The following CADM2 variants were observed in gnomAD, a reference collection of about 807,000 sequenced individuals.
The protein encoded by CADM2 is cell adhesion molecule 2, also known as immunoglobulin superfamily member 4D.
Under a neutral mutation model 49.8 loss-of-function variants are expected in CADM2, and 12 were observed. The observed-to-expected ratio is 0.24, with a 90% CI of 0.15 to 0.39. The LOEUF is 0.39. Among genes scored for constraint, CADM2 ranks in the 10% least tolerant of loss-of-function variants. The pLI is 1.00. For synonymous variants in CADM2, 214 were observed against 175.4 expected (o/e 1.22, Z -1.74); for missense variants, 378 against 492.3 (o/e 0.77, Z 2.20).
At chr3:85,170,362 A>G (rs528352152) in intron 1 of CADM2, among the ~76,000 whole-genome samples, 1 of 148,318 alleles carries the variant, frequency 6.7e-6, no homozygotes, top group Admixed American at 6.7e-5. Context: ...TTTTTGAGAC[A>G]GAGTCTTGCT....
chr3:85,738,759 G>C (rs1189569541), intron 2 of CADM2, among the ~76,000 whole-genome samples: 1 of 152,020 alleles, frequency 6.6e-6, no homozygotes, highest in Non-Finnish European at 1.5e-5. Flanking sequence ...ACAACCCACA[G>C]CATAGTAAGA....
At chr3:85,080,219 T>C (rs1575822649) in intron 1 of CADM2, among the ~76,000 whole-genome samples, 1 of 152,016 alleles carries the variant, frequency 6.6e-6, no homozygotes. Context: ...ACATTACATA[T>C]AGATAGGAAG....
chr3:86,071,726 T>A lies in CADM2; in HGVS notation c.*4943T>A, dbSNP rs1198965609. The A allele has an allele frequency of 6.6e-6, 1 of 152,012 alleles. No homozygotes were observed. The highest frequency in any genetic ancestry group is 1.9e-4 in the East Asian group (1 of 5,202). The allele number at this position is 152,012 out of a possible 1,614,324, so 9.4% of individuals were successfully genotyped here. A position where few individuals can be genotyped will look rare whatever the true frequency, so the allele number is the denominator to read the frequency against. On this transcript the variant is annotated 3_prime_UTR_variant, in exon 10 of 10. Coordinates refer to ENST00000383699, the MANE Select transcript of CADM2 (RefSeq NM_001167675.2). ...TTCAGTGTATTCTATGGTGTATGAA[T>A]CTGCATTTGTTTTTCCTTTTCTATC...
At chr3:85,253,191 A>G (rs1408044174) in intron 1 of CADM2, among the ~76,000 whole-genome samples, 1 of 152,094 alleles carries the variant, frequency 6.6e-6, no homozygotes, top group African/African-American at 2.4e-5. Context: ...ACAGCAATAC[A>G]TAACTGCACT....
chr3:85,507,182 ATTT>A (rs71108295), intron 1 of CADM2, among the ~76,000 whole-genome samples: 1 of 127,254 alleles, frequency 7.9e-6, no homozygotes. Flanking sequence ...CACCCAGTGT[ATTT>A]TTTTTTTTTT....
intron 3 of CADM2, among the ~76,000 whole-genome samples, chr3:85,848,671 A>G (rs1666989065): frequency 6.6e-6 from 1 of 152,160 alleles, no homozygotes. Flanking sequence ...AATACAGTAA[A>G]TCTTATTTTT....
chr3:85,057,308 T>A (rs1173977169), intron 1 of CADM2, among the ~76,000 whole-genome samples: 1 of 136,140 alleles, frequency 7.3e-6, no homozygotes, highest in Non-Finnish European at 1.6e-5. Flanking sequence ...TTTTCAGAAT[T>A]TTTTTTTTGT....
intron 1 of CADM2, among the ~76,000 whole-genome samples, chr3:85,613,897 C>G (rs144533774): frequency 1.3e-5 from 2 of 151,564 alleles, no homozygotes; most frequent in Non-Finnish European, 3.0e-5. Flanking sequence ...TATAAATTCA[C>G]TAAGAATCAG....
intron 1 of CADM2, among the ~76,000 whole-genome samples, chr3:85,562,011 T>TA (rs2062109043): frequency 6.6e-6 from 1 of 151,926 alleles, no homozygotes; most frequent in African/African-American, 2.4e-5. Flanking sequence ...AGAGAATAGG[T>TA]AAAAAATAGA....
At chr3:85,485,624 T>C (rs1039486633) in intron 1 of CADM2, among the ~76,000 whole-genome samples, 1 of 152,070 alleles carries the variant, frequency 6.6e-6, no homozygotes, top group African/African-American at 2.4e-5. Context: ...AGCAAAATCA[T>C]AGTTAATTGC....
chr3:85,609,237 G>T (rs543609109), intron 1 of CADM2, among the ~76,000 whole-genome samples: 3 of 152,006 alleles, frequency 2.0e-5, no homozygotes, highest in Non-Finnish European at 2.9e-5. Context: ...CTTGTACTCC[G>T]AGAGGTGTTA....
At chr3:86,039,262 G>A (rs987431939) in intron 8 of CADM2, among the ~76,000 whole-genome samples, 41 of 152,034 alleles carry the variant, frequency 2.7e-4, no homozygotes, top group Non-Finnish European at 4.7e-4. Context: ...GCCAAAGCAG[G>A]GTGAGGCATT....
At chr3:85,977,169 C>G (rs1726895064) in intron 8 of CADM2, among the ~76,000 whole-genome samples, 3 of 150,780 alleles carry the variant, frequency 2.0e-5, no homozygotes, top group Non-Finnish European at 4.4e-5. Flanking sequence ...CAAAACAAAA[C>G]AAAACTAAAC....
chr3:85,763,622 C>T (rs1020137578), intron 2 of CADM2, among the ~76,000 whole-genome samples: 1 of 152,132 alleles, frequency 6.6e-6, no homozygotes, highest in African/African-American at 2.4e-5. Flanking sequence ...TCATTTTGAC[C>T]ACTGCACAAC....
chr3:86,017,402 G>C (rs917428806), intron 8 of CADM2, among the ~76,000 whole-genome samples: 2 of 151,844 alleles, frequency 1.3e-5, no homozygotes, highest in African/African-American at 4.8e-5. Context: ...ATTTTTACTT[G>C]ATCATAAAAT....
intron 1 of CADM2, among the ~76,000 whole-genome samples, chr3:85,195,559 A>G (rs2041323897): frequency 6.6e-6 from 1 of 151,878 alleles, no homozygotes; most frequent in Non-Finnish European, 1.5e-5. Context: ...ACACACACAC[A>G]CACACACACA....
intron 3 of CADM2, among the ~76,000 whole-genome samples, chr3:85,832,448 G>A (rs1044442941): frequency 6.6e-6 from 1 of 151,874 alleles, no homozygotes; most frequent in Non-Finnish European, 1.5e-5. Flanking sequence ...CAATTCATGA[G>A]CATGGGATGC....
intron 2 of CADM2, among the ~76,000 whole-genome samples, chr3:85,801,765 AAATAT>A (rs1269211259): frequency 6.6e-6 from 1 of 152,196 alleles, no homozygotes; most frequent in African/African-American, 2.4e-5. Flanking sequence ...GGAAAGTAAT[AAATAT>A]AATATTACTA....
At chr3:85,340,500 A>G (rs905618114) in intron 1 of CADM2, among the ~76,000 whole-genome samples, 2 of 151,624 alleles carry the variant, frequency 1.3e-5, no homozygotes, top group African/African-American at 2.4e-5. Context: ...TTATAAATAC[A>G]TATGTACAGA....
Sources: gnomAD v4.1 joint callset for allele counts (sites outside exome capture counted in the v4.1 genomes callset) on GRCh38, gnomAD v4.1.1 for gene constraint, MANE v1.5 for transcripts, NCBI Gene and HGNC (gene_info 2026-07-23, HGNC 2026-07-21) for gene names.